The following PDE10A variants were observed in gnomAD, a reference collection of about 807,000 sequenced individuals.
PDE10A encodes phosphodiesterase 10A.
In PDE10A, 39 loss-of-function variants were observed where a neutral mutation model predicts 97.7. The observed-to-expected ratio is 0.40, with a 90% CI of 0.31 to 0.52. PDE10A has a LOEUF of 0.52. Ranked by LOEUF, PDE10A falls within the 20% of genes least tolerant of loss-of-function variation. The probability of loss-of-function intolerance (pLI) is 0.56; values close to 1 mark genes in which losing one functional copy is unlikely to be tolerated. For missense variants in PDE10A, 731 were observed against 1,047.8 expected (o/e 0.70, Z 4.17); for synonymous variants, 371 against 376.8 (o/e 0.98, Z 0.18).
chr6:165,826,995 G>A (rs1779778570), intron 1 of PDE10A, among the ~76,000 whole-genome samples: 1 of 152,114 alleles, frequency 6.6e-6, no homozygotes, highest in Admixed American at 6.5e-5. Context: ...GGAGGGGACA[G>A]GTAAGGGCCA....
At chr6:165,910,681 C>T (rs549010882) in intron 1 of PDE10A, 1 of 151,702 alleles carries the variant, frequency 6.6e-6, no homozygotes, top group African/African-American at 2.4e-5. Flanking sequence ...ACTATAAAAT[C>T]CTATAACTAA....
In PDE10A at chr6:165,911,944, C is replaced by T. The variant is rs925674966; in HGVS notation, c.-615+75585G>A. On this transcript the variant is annotated intron_variant, in intron 1 of 19. Coordinates refer to the PDE10A transcript ENST00000366882. ...CTTCACCTTCTGTTCACTACCAGAT[C>T]TTCAGGTGGATATGAAGAATCTATA... is the stretch of plus-strand genomic sequence containing the variant. Among the ~76,000 whole-genome samples, 22 of 152,176 alleles carry T rather than the reference C, an allele frequency of 1.4e-4. No homozygotes were observed. The Middle Eastern group carries it at 0.01, about 71-fold the overall frequency.
intron 1 of PDE10A, among the ~76,000 whole-genome samples, chr6:165,753,047 A>G (rs532397481): frequency 6.6e-6 from 1 of 152,346 alleles, no homozygotes; most frequent in East Asian, 1.9e-4. Context: ...GCATGTATCT[A>G]TGCGTAGCTG....
At chr6:165,668,320 G>A (rs1176584481) in intron 1 of PDE10A, among the ~76,000 whole-genome samples, 1 of 152,116 alleles carries the variant, frequency 6.6e-6, no homozygotes, top group East Asian at 1.9e-4. Context: ...GTACAAATGG[G>A]TATACAAGTC....
chr6:165,430,143 T>C, intron 9 of PDE10A, 144 bp downstream of exon 9: 1 of 601,384 alleles, frequency 1.7e-6, no homozygotes, highest in East Asian at 2.8e-5. Flanking sequence ...CAATCCATAA[T>C]ATGATTAACC....
intron 2 of PDE10A, among the ~76,000 whole-genome samples, chr6:165,518,606 G>A (rs909699204): frequency 1.3e-5 from 2 of 152,104 alleles, no homozygotes; most frequent in African/African-American, 4.8e-5. Context: ...TAGTGATGCT[G>A]GCAATTCAGA....
At chr6:165,470,594 T>C (rs1428709303) in intron 3 of PDE10A, among the ~76,000 whole-genome samples, 10 of 152,216 alleles carry the variant, frequency 6.6e-5, no homozygotes, top group African/African-American at 2.4e-4. Context: ...CTCTTACAAA[T>C]TGTTTTCTTT....
chr6:165,553,752 C>T (rs1026244753), intron 1 of PDE10A, among the ~76,000 whole-genome samples: 3 of 152,166 alleles, frequency 2.0e-5, no homozygotes, highest in Admixed American at 6.5e-5. Flanking sequence ...TAATTACTTG[C>T]TTTCTCTCCT....
intron 1 of PDE10A, among the ~76,000 whole-genome samples, chr6:165,944,169 AACTC>A (rs1783682832): frequency 6.6e-6 from 1 of 152,178 alleles, no homozygotes; most frequent in South Asian, 2.1e-4. Flanking sequence ...ATCTCATGAG[AACTC>A]ACTCACTATT....
intron 1 of PDE10A, among the ~76,000 whole-genome samples, chr6:165,862,460 T>C (rs1425180691): frequency 6.6e-6 from 1 of 152,202 alleles, no homozygotes; most frequent in African/African-American, 2.4e-5. Context: ...AGACTGTGGA[T>C]GCCGTTATGT....
chr6:165,584,370 C>T (rs1785787302), intron 1 of PDE10A, among the ~76,000 whole-genome samples: 1 of 152,182 alleles, frequency 6.6e-6, no homozygotes, highest in African/African-American at 2.4e-5. Flanking sequence ...AGGTACTTTT[C>T]TTCCCTTTGA....
intron 1 of PDE10A, among the ~76,000 whole-genome samples, chr6:165,640,309 A>C (rs1046064678): frequency 6.6e-6 from 1 of 152,008 alleles, no homozygotes; most frequent in African/African-American, 2.4e-5. Flanking sequence ...ACATATTAAA[A>C]TTTTTTTTAC....
At chr6:165,929,080 C>CA (rs1783039543) in intron 1 of PDE10A, among the ~76,000 whole-genome samples, 1 of 152,126 alleles carries the variant, frequency 6.6e-6, no homozygotes, top group African/African-American at 2.4e-5. Context: ...ACCTTCTGCA[C>CA]AGAAGGCTGT....
At chr6:165,749,591 C>G (rs1156430717) in intron 1 of PDE10A, among the ~76,000 whole-genome samples, 1 of 152,190 alleles carries the variant, frequency 6.6e-6, no homozygotes, top group African/African-American at 2.4e-5. Context: ...TCTAAATGCT[C>G]CTAAAATATT....
chr6:165,634,414 G>A (rs192289897), intron 1 of PDE10A, among the ~76,000 whole-genome samples: 6 of 152,180 alleles, frequency 3.9e-5, no homozygotes, highest in Admixed American at 3.3e-4. Context: ...TGTGTGGCTG[G>A]TTCCCCTTAT....
intron 1 of PDE10A, among the ~76,000 whole-genome samples, chr6:165,700,725 A>G (rs912506580): frequency 4.6e-5 from 7 of 152,220 alleles, no homozygotes; most frequent in Non-Finnish European, 4.4e-5. Flanking sequence ...GCTACCTTCC[A>G]TTTTTGAATA....
chr6:165,712,742 C>CCATTCTG (rs1791931180), intron 1 of PDE10A, among the ~76,000 whole-genome samples: 1 of 148,118 alleles, frequency 6.8e-6, no homozygotes, highest in South Asian at 2.1e-4. Flanking sequence ...CGGGTTCACG[C>CCATTCTG]CATTCTGCTG....
chr6:165,629,629 G>T (rs1321758684), intron 1 of PDE10A, among the ~76,000 whole-genome samples: 1 of 151,046 alleles, frequency 6.6e-6, no homozygotes, highest in African/African-American at 2.4e-5. Context: ...CACCTGCCAG[G>T]CTCAAGCCAT....
At chr6:165,599,883 C>G (rs1786834436) in intron 1 of PDE10A, among the ~76,000 whole-genome samples, 1 of 152,164 alleles carries the variant, frequency 6.6e-6, no homozygotes, top group Non-Finnish European at 1.5e-5. Context: ...GTCTTGCACA[C>G]ATCCTTAGAT....
Sources: allele counts gnomAD v4.1 joint callset (sites outside exome capture counted in the v4.1 genomes callset), GRCh38; gene constraint gnomAD v4.1.1; transcripts MANE v1.5; gene names NCBI Gene and HGNC (gene_info 2026-07-23, HGNC 2026-07-21).